The following VPS13C variants were observed in gnomAD, a reference collection of about 807,000 sequenced individuals.
VPS13C encodes vacuolar protein sorting 13 homolog C, also known as intermembrane lipid transfer protein VPS13C.
Under a neutral mutation model 456.8 loss-of-function variants are expected in VPS13C, and 358 were observed. That is an observed-to-expected ratio of 0.78 (90% CI 0.72 to 0.86). The LOEUF (loss-of-function observed/expected upper bound fraction) is 0.86, where lower values mean the gene tolerates loss of function less well. Ranked by LOEUF, VPS13C falls within the 40% of genes least tolerant of loss-of-function variation. The probability of loss-of-function intolerance (pLI) is 0.00; values close to 1 mark genes in which losing one functional copy is unlikely to be tolerated. For synonymous variants in VPS13C, 1,578 were observed against 1,486.7 expected (o/e 1.06, Z -1.41); for missense variants, 4,818 against 4,385.4 (o/e 1.10, Z -2.79).
chr15:61,895,335 T>A (rs768433514), intron 66 of VPS13C, among the ~76,000 whole-genome samples: 16 of 151,376 alleles, frequency 1.1e-4, no homozygotes, highest in African/African-American at 1.7e-4. Flanking sequence ...AAACCAAAAT[T>A]AGTAGAAGGA....
At chr15:61,981,677 G>A (rs958767656) in intron 21 of VPS13C, among the ~76,000 whole-genome samples, 199 bp from the exon 22 acceptor site, 1 of 152,058 alleles carries the variant, frequency 6.6e-6, no homozygotes, top group African/African-American at 2.4e-5. Context: ...TGGCTAACAC[G>A]GTGAAACCCC....
intron 15 of VPS13C, among the ~76,000 whole-genome samples, chr15:62,003,463 A>G (rs2046711511): frequency 6.6e-6 from 1 of 152,106 alleles, no homozygotes; most frequent in Non-Finnish European, 1.5e-5. Flanking sequence ...TGTCGTCTGC[A>G]AACAGGGACA....
chr15:61,969,731 G>C (rs2045489824), intron 27 of VPS13C, among the ~76,000 whole-genome samples: 1 of 151,886 alleles, frequency 6.6e-6, no homozygotes, highest in Non-Finnish European at 1.5e-5. Flanking sequence ...TCCTAAATAT[G>C]ATTTTCTTAA....
At chr15:61,883,303 C>G (rs1185018880) in intron 68 of VPS13C, among the ~76,000 whole-genome samples, 3 of 151,620 alleles carry the variant, frequency 2.0e-5, no homozygotes. Flanking sequence ...TCCTAAAGTA[C>G]TGGGATTACA....
chr15:61,951,798 T>C (rs1339049902), intron 39 of VPS13C, 26 bp downstream of exon 39: 5 of 1,593,198 alleles, frequency 3.1e-6, no homozygotes, highest in Non-Finnish European at 4.3e-6. Flanking sequence ...AATGAATAAT[T>C]TACACAGACA....
At chr15:61,913,793 TG>T (rs1025170197) in intron 61 of VPS13C, among the ~76,000 whole-genome samples, 3 of 152,214 alleles carry the variant, frequency 2.0e-5, no homozygotes, top group African/African-American at 4.8e-5. Flanking sequence ...AGAGAATTTA[TG>T]TCTTCAACAT....
chr15:61,976,682 A>G (rs1348858546), intron 24 of VPS13C, among the ~76,000 whole-genome samples: 1 of 152,062 alleles, frequency 6.6e-6, no homozygotes, highest in Non-Finnish European at 1.5e-5. Flanking sequence ...TGTTTTTTAA[A>G]AACAGTATAA....
intron 5 of VPS13C, among the ~76,000 whole-genome samples, chr15:62,031,839 G>C (rs899850258): frequency 1.3e-5 from 2 of 151,800 alleles, no homozygotes; most frequent in Non-Finnish European, 3.0e-5. Flanking sequence ...GAAGACTCAG[G>C]AGTCAAAATT....
chr15:61,957,654 C>T lies in VPS13C; in HGVS notation c.4165+954G>A, dbSNP rs62007767. Among the ~76,000 whole-genome samples, 1,307 of 152,026 alleles carry T rather than the reference C, an allele frequency of 8.6e-3. 9 individuals carry two copies. The highest frequency in any genetic ancestry group is 0.028 in the South Asian group (133 of 4,818). On this transcript the variant is annotated intron_variant, in intron 37 of 84. Transcript: ENST00000644861. ...CTGTCAAAATCTTAAATTAGTCTAT[C>T]GAAATTATTTGCTGACCTAATTGTC...
Position 61,942,030 on chromosome 15 carries a change from A to G in VPS13C, c.5186T>C (p.Leu1729Ser). ...LNNFQTAKEA[L>S]STATVQAAER... is the part of the protein sequence containing the mutation. ...TGCAGCCTGGACTGTGGCTGTACTC[A>G]AAGCTTCTTTAGCAGTTTGGAAATT... The change falls in exon 46 of 85, where the codon TTG becomes TCG. Residue 1729 changes from leucine (L) to serine (S), a missense_variant. Leu to Ser is a moderately radical substitution (Grantham distance 145, BLOSUM62 -2). This residue lies in a region of VPS13C where 4,552 missense variants were observed against 4,130.6 expected (regional missense o/e 1.10). Coordinates refer to ENST00000644861, the MANE Select transcript of VPS13C (RefSeq NM_020821.3). 1 of 1,607,238 alleles carries G rather than the reference A, an allele frequency of 6.2e-7. No individual in the cohort carries two copies. The highest frequency in any genetic ancestry group is 1.1e-5 in the South Asian group (1 of 89,962).
chr15:62,043,958 CAACTACAA>C lies in VPS13C; in HGVS notation c.144+246_144+253del, dbSNP rs1488413233. Among the ~76,000 whole-genome samples, 6 of 152,044 alleles carry C rather than the reference CAACTACAA, an allele frequency of 3.9e-5. No individual in the cohort carries two copies. The East Asian group carries it at 9.6e-4, about 24-fold the overall frequency. The stretch of plus-strand genomic sequence containing the variant: ...GAAAATATTGCTATAAGGAAAAAGT[CAACTACAA>C]AACTATACAGTCAAATTAGATCAAC... On this transcript the variant is annotated intron_variant, in intron 2 of 84. Coordinates refer to ENST00000644861, the MANE Select transcript of VPS13C (RefSeq NM_020821.3).
chr15:62,059,241 A>G (rs972451887), intron 1 of VPS13C, among the ~76,000 whole-genome samples: 5 of 152,220 alleles, frequency 3.3e-5, no homozygotes, highest in African/African-American at 1.2e-4. Context: ...CTCAATTAGC[A>G]CTAACCTCAT....
intron 15 of VPS13C, among the ~76,000 whole-genome samples, chr15:62,003,282 T>TA (rs2046704021): frequency 6.6e-6 from 1 of 151,074 alleles, no homozygotes; most frequent in South Asian, 2.1e-4. Context: ...TTTGAATCAA[T>TA]TGTGAATGGG....
At position 61,931,247 on chromosome 15, in the gene VPS13C, C is replaced by T; in HGVS notation, c.5881G>A (p.Ala1961Thr). 1 of 1,613,294 alleles carries T rather than the reference C, an allele frequency of 6.2e-7. No individual in the cohort carries two copies. Among genetic ancestry groups the T allele is most frequent in the Non-Finnish European group, 8.5e-7 (1 of 1,179,684 alleles). ...AGTTGGAAACTGTCATTATGAAATGCAACTCCAGATTCCTATGGTACATTT... is the reference window on the plus strand; with the variant it reads ...AGTTGGAAACTGTCATTATGAAATGTAACTCCAGATTCCTATGGTACATTT... ...NNDINQESGV[A>T]FHNDSFQLGE... Residue 1961 changes from alanine (A) to threonine (T), a missense_variant, in exon 50 of 85, where the codon GCA (alanine) becomes ACA (threonine). Transcript: ENST00000644861.
chr15:61,897,874 G>T lies in VPS13C; in HGVS notation c.9106-7474C>A, dbSNP rs367830101. Among the ~76,000 whole-genome samples the T allele has an allele frequency of 2.0e-4, 30 of 152,312 alleles. No homozygotes were observed. The East Asian group carries it at 5.4e-3, about 27-fold the overall frequency. The stretch of plus-strand genomic sequence containing the variant: ...AGAGAAAGGTCGGGTTACCCACAAA[G>T]GGAAGCCCATCAGACTAACAGCGGA... On this transcript the variant is annotated intron_variant, in intron 66 of 84. Transcript: ENST00000644861.
Position 62,037,252 on chromosome 15 carries a change from TTTATATATATTATATTATATAATATA to T in VPS13C, c.188-2226_188-2201del, listed in dbSNP as rs1418794995. ...ATTATATATAAATATATATAATATA[TTTATATATATTATATTATATAATATA>T]TTATATATATTATATTATATAATAT... On this transcript the variant is annotated intron_variant, in intron 3 of 84. Coordinates refer to ENST00000644861, the MANE Select transcript of VPS13C (RefSeq NM_020821.3). 4.9e-3 allele frequency among the ~76,000 whole-genome samples: 109 copies of T among 22,206 alleles called. 5 individuals carry two copies. The East Asian group carries it at 0.083, about 17-fold the overall frequency. 14.6% of individuals were successfully genotyped at this position (22,206 alleles called of 152,430 possible).
intron 65 of VPS13C, 44 bp from the exon 66 acceptor site, chr15:61,907,434 T>C: frequency 6.2e-7 from 1 of 1,600,196 alleles, no homozygotes; most frequent in Non-Finnish European, 8.5e-7. Context: ...ATCTTGGAGA[T>C]AAGAAACCCA....
intron 40 of VPS13C, 87 bp downstream of exon 40, chr15:61,950,858 G>T: frequency 1.1e-6 from 1 of 892,450 alleles, no homozygotes; most frequent in Non-Finnish European, 1.6e-6. Context: ...GAAAAATGTT[G>T]GGAGAGAAAA....
At chr15:61,856,670 T>A (rs1331458949) in intron 82 of VPS13C, 1 of 256,814 alleles carries the variant, frequency 3.9e-6, no homozygotes, top group Non-Finnish European at 7.2e-6. Flanking sequence ...GTGTAACTTT[T>A]TTTTCTTTTT....
Sources: gnomAD v4.1 joint callset for allele counts (sites outside exome capture counted in the v4.1 genomes callset) on GRCh38, gnomAD v4.1.1 for gene constraint, gnomAD v4.1.1 regional missense constraint, MANE v1.5 for transcripts, NCBI Gene and HGNC (gene_info 2026-07-23, HGNC 2026-07-21) for gene names.